Variants in FHIT observed in about 807,000 individuals in gnomAD.
FHIT encodes the protein bis(5'-adenosyl)-triphosphatase.
FHIT carries 19 observed loss-of-function variants against 17.9 expected under a neutral mutation model. The observed-to-expected ratio is 1.06, with a 90% CI of 0.74 to 1.56. FHIT has a LOEUF of 1.56. Ranked by LOEUF, FHIT falls within the 40% of genes most tolerant of loss-of-function variation. The probability of loss-of-function intolerance (pLI) is 0.00; values close to 1 mark genes in which losing one functional copy is unlikely to be tolerated. For missense variants in FHIT, 248 were observed against 189.2 expected (o/e 1.31, Z -1.82); for synonymous variants, 81 against 69.7 (o/e 1.16, Z -0.81).
At chr3:61,029,653 T>G (rs2032914537) in intron 3 of FHIT, among the ~76,000 whole-genome samples, 1 of 152,296 alleles carries the variant, frequency 6.6e-6, no homozygotes, top group South Asian at 2.1e-4. Context: ...CACAACTGAG[T>G]TCAACCAAAT....
chr3:60,668,722 T>C (rs1319097006), intron 4 of FHIT, among the ~76,000 whole-genome samples: 2 of 151,972 alleles, frequency 1.3e-5, no homozygotes, highest in Admixed American at 6.6e-5. Context: ...CCACTACGCC[T>C]GGCTAATTTT....
At chr3:60,021,807 C>A (rs978715927) in intron 5 of FHIT, among the ~76,000 whole-genome samples, 2 of 152,170 alleles carry the variant, frequency 1.3e-5, no homozygotes, top group Non-Finnish European at 2.9e-5. Flanking sequence ...TTATAAAAAC[C>A]TCCATGTATA....
intron 8 of FHIT, among the ~76,000 whole-genome samples, chr3:59,797,781 C>T (rs1431735555): frequency 6.6e-6 from 1 of 152,084 alleles, no homozygotes; most frequent in Non-Finnish European, 1.5e-5. Flanking sequence ...AATATAGTTC[C>T]GTTGGATTTT....
At chr3:60,508,639 G>C (rs1450933682) in intron 5 of FHIT, among the ~76,000 whole-genome samples, 1 of 152,064 alleles carries the variant, frequency 6.6e-6, no homozygotes, top group Non-Finnish European at 1.5e-5. Context: ...ATAATACAAA[G>C]TACTTCAAAA....
intron 5 of FHIT, among the ~76,000 whole-genome samples, chr3:60,225,273 T>C (rs1158220893): frequency 1.3e-5 from 2 of 152,184 alleles, no homozygotes; most frequent in Non-Finnish European, 2.9e-5. Context: ...CGTGGTTAAC[T>C]ACATGCTGAC....
chr3:59,874,812 A>G (rs1477473182), intron 8 of FHIT, among the ~76,000 whole-genome samples: 1 of 152,274 alleles, frequency 6.6e-6, no homozygotes, highest in East Asian at 1.9e-4. Context: ...TAGAGCCACA[A>G]GCTCTTCTAT....
intron 3 of FHIT, among the ~76,000 whole-genome samples, chr3:60,944,655 A>G (rs1708564731): frequency 6.6e-6 from 1 of 152,244 alleles, no homozygotes; most frequent in African/African-American, 2.4e-5. Context: ...TGAGAAAAGA[A>G]CAAAGGCAGA....
intron 4 of FHIT, among the ~76,000 whole-genome samples, chr3:60,592,344 A>C (rs1325838374): frequency 6.6e-6 from 1 of 151,736 alleles, no homozygotes; most frequent in Non-Finnish European, 1.5e-5. Context: ...GCGAATAAAA[A>C]ATATGTATCT....
chr3:59,949,662 C>T (rs113713544), intron 7 of FHIT, among the ~76,000 whole-genome samples: 45 of 152,332 alleles, frequency 3.0e-4, no homozygotes, highest in Admixed American at 6.5e-4. Flanking sequence ...GACACACTAA[C>T]GTTTATTGAG....
At chr3:60,503,977 G>A (rs897228882) in intron 5 of FHIT, among the ~76,000 whole-genome samples, 5 of 151,986 alleles carry the variant, frequency 3.3e-5, no homozygotes, top group Non-Finnish European at 5.9e-5. Flanking sequence ...GAGCAAATAA[G>A]CCTTATTTTA....
chr3:60,906,310 T>C (rs901939624), intron 3 of FHIT, among the ~76,000 whole-genome samples: 1 of 152,158 alleles, frequency 6.6e-6, no homozygotes, highest in Non-Finnish European at 1.5e-5. Context: ...ATAAAGGAGA[T>C]ACAAATATGA....
chr3:61,102,545 G>A (rs574641943), intron 2 of FHIT, among the ~76,000 whole-genome samples: 1 of 152,138 alleles, frequency 6.6e-6, no homozygotes, highest in African/African-American at 2.4e-5. Context: ...CCAGGCTTTG[G>A]TATCAGGATG....
intron 8 of FHIT, among the ~76,000 whole-genome samples, chr3:59,842,425 G>A (rs1380296370): frequency 6.6e-6 from 1 of 152,126 alleles, no homozygotes; most frequent in African/African-American, 2.4e-5. Context: ...TATTTCAGGT[G>A]TATGCCCAGA....
rs67553597 is a variant in FHIT at position 60,258,065 on chromosome 3, T to TACACACACACAC, written c.104-243925_104-243914dup. On this transcript the variant is annotated intron_variant, in intron 5 of 9. Coordinates refer to ENST00000492590, the MANE Select transcript of FHIT (RefSeq NM_002012.4). Reference sequence around the variant, plus strand: ...CTGAACTTAAAAGTTGGAAATTAAATACACACACACACACACACACACACA... The same window carrying TACACACACACAC: ...CTGAACTTAAAAGTTGGAAATTAAATACACACACACACACACACACACACACACACACACACA... 1.5e-3 allele frequency among the ~76,000 whole-genome samples: 214 copies of TACACACACACAC among 144,594 alleles called. 1 individual carries two copies. The highest frequency in any genetic ancestry group is 8.3e-3 in the South Asian group (36 of 4,336). The allele number at this position is 144,594 out of a possible 152,430, so 94.9% of individuals were successfully genotyped here.
intron 5 of FHIT, among the ~76,000 whole-genome samples, chr3:60,367,320 A>G (rs1390185778): frequency 6.6e-6 from 1 of 152,242 alleles, no homozygotes; most frequent in Non-Finnish European, 1.5e-5. Flanking sequence ...GGGACCAAAT[A>G]GCTAACACTC....
chr3:60,438,829 C>G (rs71313768), intron 5 of FHIT, among the ~76,000 whole-genome samples: 1 of 152,050 alleles, frequency 6.6e-6, no homozygotes. Context: ...CCCAGAACAC[C>G]AAAATTGCCT....
intron 5 of FHIT, among the ~76,000 whole-genome samples, chr3:60,429,699 A>C (rs1409451251): frequency 6.6e-6 from 1 of 152,050 alleles, no homozygotes; most frequent in African/African-American, 2.4e-5. Context: ...TGGAACAATA[A>C]AGAAGAGAGA....
intron 2 of FHIT, among the ~76,000 whole-genome samples, chr3:61,098,385 T>C (rs1408396730): frequency 2.0e-5 from 3 of 152,200 alleles, no homozygotes; most frequent in African/African-American, 7.2e-5. Context: ...GGTAGCATGA[T>C]GCCTCCAGTT....
chr3:60,988,877 T>C (rs1348789937), intron 3 of FHIT, among the ~76,000 whole-genome samples: 9 of 127,676 alleles, frequency 7.0e-5, no homozygotes, highest in Non-Finnish European at 1.3e-4. Flanking sequence ...CTGTGTAGAA[T>C]ATAACCATGA....
Sources: gnomAD v4.1 joint callset for allele counts (sites outside exome capture counted in the v4.1 genomes callset) on GRCh38, gnomAD v4.1.1 for gene constraint, MANE v1.5 for transcripts, NCBI Gene and HGNC (gene_info 2026-07-23, HGNC 2026-07-21) for gene names.